Variants in ADGRB3 observed in about 807,000 individuals in gnomAD.
ADGRB3 encodes adhesion G protein-coupled receptor B3, also known as brain-specific angiogenesis inhibitor 3.
ADGRB3 carries 37 observed loss-of-function variants against 193.4 expected under a neutral mutation model. The ratio of observed to expected loss-of-function variants is 0.19; its 90% CI spans 0.15 to 0.25. ADGRB3 has a LOEUF of 0.25. ADGRB3 is among the 10% of genes least tolerant of loss of function. ADGRB3 has a pLI of 1.00. For missense variants in ADGRB3, 1,637 were observed against 1,852.9 expected (o/e 0.88, Z 2.14); for synonymous variants, 690 against 644.2 (o/e 1.07, Z -1.08).
At chr6:68,746,067 A>G (rs772488289) in intron 3 of ADGRB3, among the ~76,000 whole-genome samples, 4 of 152,118 alleles carry the variant, frequency 2.6e-5, no homozygotes, top group Non-Finnish European at 4.4e-5. Flanking sequence ...CATCACAGAT[A>G]TGAACATTTA....
intron 17 of ADGRB3, among the ~76,000 whole-genome samples, chr6:69,106,522 A>G (rs1391735597): frequency 6.6e-6 from 1 of 152,242 alleles, no homozygotes; most frequent in Non-Finnish European, 1.5e-5. Flanking sequence ...CCTTTTGAAA[A>G]GTATCTAAGT....
intron 13 of ADGRB3, among the ~76,000 whole-genome samples, chr6:69,029,782 A>T (rs1019114071): frequency 6.6e-6 from 1 of 152,128 alleles, no homozygotes; most frequent in Non-Finnish European, 1.5e-5. Flanking sequence ...AACTTCAAAA[A>T]TTAAGATTTC....
In ADGRB3 at chr6:68,752,245, G is replaced by A. The variant is rs116068547; in HGVS notation, c.757+112813G>A. Among the ~76,000 whole-genome samples, 908 of 151,280 alleles carry A rather than the reference G, an allele frequency of 6.0e-3. 7 individuals carry two copies. The highest frequency in any genetic ancestry group is 0.021 in the African/African-American group (877 of 41,266). On this transcript the variant is annotated intron_variant, in intron 3 of 31. Transcript: ENST00000370598. ...ATAGGAATTGATTTGGCCCAATAATGGTGATGGATTTCAGTTGTGGCAGAA... is the reference window on the plus strand; with the variant it reads ...ATAGGAATTGATTTGGCCCAATAATAGTGATGGATTTCAGTTGTGGCAGAA...
intron 3 of ADGRB3, among the ~76,000 whole-genome samples, chr6:68,653,956 C>T (rs1224934636): frequency 6.6e-6 from 1 of 151,622 alleles, no homozygotes; most frequent in East Asian, 1.9e-4. Context: ...TTTTTTGATA[C>T]ATAGGCTATA....
At chr6:69,165,504 T>C (rs1004248437) in intron 17 of ADGRB3, among the ~76,000 whole-genome samples, 3 of 151,924 alleles carry the variant, frequency 2.0e-5, no homozygotes. Flanking sequence ...CTGGAGTTGA[T>C]TTTTTCATTT....
intron 3 of ADGRB3, among the ~76,000 whole-genome samples, chr6:68,823,039 G>C (rs1459269508): frequency 6.7e-6 from 1 of 150,026 alleles, no homozygotes; most frequent in Non-Finnish European, 1.5e-5. Flanking sequence ...CACAGCAGCA[G>C]AAGACATCTA....
intron 3 of ADGRB3, among the ~76,000 whole-genome samples, chr6:68,898,342 T>C (rs1211186912): frequency 6.6e-6 from 1 of 152,098 alleles, no homozygotes; most frequent in African/African-American, 2.4e-5. Context: ...ATGAATTGGA[T>C]AATGCCCACT....
chr6:69,197,787 C>T (rs1270507984), intron 17 of ADGRB3, among the ~76,000 whole-genome samples: 3 of 151,916 alleles, frequency 2.0e-5, no homozygotes, highest in Non-Finnish European at 4.4e-5. Flanking sequence ...AGAGGCTAAG[C>T]AATGTAAAGG....
At chr6:68,674,814 TAAGTA>T (rs1769048302) in intron 3 of ADGRB3, among the ~76,000 whole-genome samples, 1 of 152,240 alleles carries the variant, frequency 6.6e-6, no homozygotes, top group South Asian at 2.1e-4. Flanking sequence ...CCACAGCAGT[TAAGTA>T]AAAGAGGCAA....
At chr6:69,144,717 T>C (rs1765915174) in intron 17 of ADGRB3, among the ~76,000 whole-genome samples, 1 of 152,184 alleles carries the variant, frequency 6.6e-6, no homozygotes, top group Admixed American at 6.5e-5. Flanking sequence ...TACTGATTGA[T>C]TTGCATATGT....
chr6:68,811,537 C>T (rs994518654), intron 3 of ADGRB3, among the ~76,000 whole-genome samples: 12 of 151,892 alleles, frequency 7.9e-5, no homozygotes, highest in Admixed American at 3.9e-4. Flanking sequence ...GGGATGATCT[C>T]GGCTCATTGC....
At chr6:68,734,905 GT>G (rs1012476850) in intron 3 of ADGRB3, among the ~76,000 whole-genome samples, 1 of 152,118 alleles carries the variant, frequency 6.6e-6, no homozygotes, top group Admixed American at 6.6e-5. Flanking sequence ...TACTGAAAGA[GT>G]TTAACTTGGG....
intron 3 of ADGRB3, among the ~76,000 whole-genome samples, chr6:68,736,385 AT>A (rs1158589712): frequency 6.6e-6 from 1 of 152,158 alleles, no homozygotes; most frequent in Non-Finnish European, 1.5e-5. Flanking sequence ...ATAAAATATA[AT>A]AAACTGTATT....
intron 20 of ADGRB3, among the ~76,000 whole-genome samples, chr6:69,322,747 A>G (rs1768487303): frequency 6.6e-6 from 1 of 151,834 alleles, no homozygotes. Flanking sequence ...ATATATGGTT[A>G]GTTTTGCGAC....
intron 20 of ADGRB3, among the ~76,000 whole-genome samples, chr6:69,276,091 G>C (rs990519490): frequency 2.0e-5 from 3 of 152,046 alleles, no homozygotes; most frequent in African/African-American, 7.2e-5. Flanking sequence ...TTTCTCATAA[G>C]GTAAAAAATT....
At chr6:68,851,714 C>T (rs989029114) in intron 3 of ADGRB3, among the ~76,000 whole-genome samples, 1 of 151,794 alleles carries the variant, frequency 6.6e-6, no homozygotes, top group African/African-American at 2.4e-5. Flanking sequence ...TTCAATCTAT[C>T]ATTTTAAATT....
intron 17 of ADGRB3, among the ~76,000 whole-genome samples, chr6:69,172,019 G>A (rs1489380919): frequency 1.3e-5 from 2 of 152,116 alleles, no homozygotes; most frequent in Non-Finnish European, 2.9e-5. Context: ...CTCAGCGCTG[G>A]TGCAATAGCA....
At chr6:69,239,013 C>G in intron 19 of ADGRB3, 111 bp from the exon 20 acceptor site, 1 of 512,986 alleles carries the variant, frequency 1.9e-6, no homozygotes, top group Non-Finnish European at 3.4e-6. Flanking sequence ...GTAAATATTC[C>G]TGTGCTACAG....
intron 20 of ADGRB3, among the ~76,000 whole-genome samples, chr6:69,241,773 A>G (rs183957290): frequency 2.4e-4 from 37 of 152,104 alleles, no homozygotes; most frequent in Non-Finnish European, 2.5e-4. Context: ...TAGTTTTGCA[A>G]CCAAAGTGGT....
Sources: gnomAD v4.1 joint callset for allele counts (sites outside exome capture counted in the v4.1 genomes callset) on GRCh38, gnomAD v4.1.1 for gene constraint, MANE v1.5 for transcripts, NCBI Gene and HGNC (gene_info 2026-07-23, HGNC 2026-07-21) for gene names.